Variants in RERE observed in about 807,000 individuals in gnomAD.
RERE encodes the protein arginine-glutamic acid dipeptide repeats protein.
A neutral mutation model predicts 146.1 loss-of-function variants in RERE; 40 were observed. The observed-to-expected ratio is 0.27, with a 90% confidence interval of 0.21 to 0.36. The LOEUF (loss-of-function observed/expected upper bound fraction) is 0.36. Ranked by LOEUF, RERE falls within the 10% of genes least tolerant of loss-of-function variation. RERE has a pLI of 1.00. For synonymous variants in RERE, 1,003 were observed against 866.0 expected (o/e 1.16, Z -2.78); for missense variants, 1,933 against 2,138.7 (o/e 0.90, Z 1.90).
At chr1:8,571,573 A>G (rs1168169564) in intron 4 of RERE, among the ~76,000 whole-genome samples, 2 of 152,242 alleles carry the variant, frequency 1.3e-5, no homozygotes, top group Non-Finnish European at 2.9e-5. Context: ...CTAAAAAATT[A>G]TATTTTCCTG....
chr1:8,476,222 T>G (rs1644754835), intron 10 of RERE, among the ~76,000 whole-genome samples: 1 of 152,164 alleles, frequency 6.6e-6, no homozygotes, highest in African/African-American at 2.4e-5. Context: ...GCCAGAGTAC[T>G]AAAAATGAGG....
chr1:8,599,827 C>T (rs1248219525), intron 4 of RERE, among the ~76,000 whole-genome samples: 2 of 152,194 alleles, frequency 1.3e-5, no homozygotes, highest in Admixed American at 6.5e-5. Context: ...AATCACAGAG[C>T]CTTTTCTGCC....
At chr1:8,612,029 G>C (rs1646799580) in intron 4 of RERE, among the ~76,000 whole-genome samples, 1 of 152,144 alleles carries the variant, frequency 6.6e-6, no homozygotes, top group Admixed American at 6.5e-5. Flanking sequence ...AAAATGAACA[G>C]ATAAGTTAAA....
chr1:8,747,146 G>T (rs1291789317), intron 1 of RERE, among the ~76,000 whole-genome samples: 6 of 151,560 alleles, frequency 4.0e-5, no homozygotes, highest in African/African-American at 1.5e-4. Context: ...GGACTACAGG[G>T]GCCCACCACC....
intron 4 of RERE, among the ~76,000 whole-genome samples, chr1:8,595,153 G>A (rs1285037149): frequency 6.2e-5 from 9 of 144,804 alleles, no homozygotes; most frequent in African/African-American, 1.0e-4. Context: ...GAGCAAGACC[G>A]TGTCCAAAAA....
At chr1:8,480,306 AT>A (rs1211485071) in intron 10 of RERE, among the ~76,000 whole-genome samples, 1 of 150,694 alleles carries the variant, frequency 6.6e-6, no homozygotes, top group Non-Finnish European at 1.5e-5. Flanking sequence ...CACCCGACTA[AT>A]TTTTGTATTT....
intron 1 of RERE, among the ~76,000 whole-genome samples, chr1:8,810,045 G>A (rs1641774134): frequency 1.3e-5 from 2 of 151,902 alleles, no homozygotes; most frequent in African/African-American, 2.4e-5. Context: ...TTGCTCTGTC[G>A]CCCAGGCTGG....
At chr1:8,681,057 G>A (rs1474899247) in intron 1 of RERE, among the ~76,000 whole-genome samples, 3 of 152,140 alleles carry the variant, frequency 2.0e-5, no homozygotes, top group African/African-American at 4.8e-5. Flanking sequence ...TAAAACCATC[G>A]AGGTCCCGGG....
rs528533454 is a variant in RERE at position 8,491,269 on chromosome 1, T to C, written c.1104+3794A>G. 9.7e-4 allele frequency among the ~76,000 whole-genome samples: 147 copies of C among 151,780 alleles called. 4 individuals carry two copies. The highest frequency in any genetic ancestry group is 3.3e-3 in the African/African-American group (134 of 41,156). On this transcript the variant is annotated intron_variant, in intron 10 of 22. Coordinates refer to ENST00000400908, the MANE Select transcript of RERE (RefSeq NM_001042681.2). ...CAGCCTGACCAACATGGCGAAACCC[T>C]GTCTCTACTAAAAATACAAAATTAG...
intron 2 of RERE, among the ~76,000 whole-genome samples, chr1:8,654,904 T>C (rs1638235602): frequency 6.6e-6 from 1 of 152,096 alleles, no homozygotes; most frequent in South Asian, 2.1e-4. Flanking sequence ...CCCAAAGTGC[T>C]GGGATTACAC....
chr1:8,781,070 A>G (rs960538884), intron 1 of RERE, among the ~76,000 whole-genome samples: 1 of 151,784 alleles, frequency 6.6e-6, no homozygotes, highest in African/African-American at 2.4e-5. Context: ...AAAAAAAAAA[A>G]TTCTCGGCCA....
chr1:8,508,962 T>C (rs1290038365), intron 7 of RERE, among the ~76,000 whole-genome samples: 1 of 152,146 alleles, frequency 6.6e-6, no homozygotes, highest in Non-Finnish European at 1.5e-5. Context: ...TCGCCCAGGC[T>C]GGAGTGCAGT....
chr1:8,360,573 A>G lies in RERE; in HGVS notation c.2934T>C (p.His978=). 1 of 1,371,942 alleles carries G rather than the reference A, an allele frequency of 7.3e-7. No individual in the cohort carries two copies. Among genetic ancestry groups the G allele is most frequent in the Non-Finnish European group, 9.7e-7 (1 of 1,030,388 alleles). 85.0% of individuals were successfully genotyped at this position (1,371,942 alleles called of 1,614,324 possible). ...ALKPLSSLST[H]HPPSAHPPPL... is the part of the protein sequence containing the mutation. Reference sequence around the variant, plus strand: ...GTGGGGGGTGAGCCGACGGGGGGTGATGTGTGGACAGGGAGCTCAGGGGCT... The same window carrying G: ...GTGGGGGGTGAGCCGACGGGGGGTGGTGTGTGGACAGGGAGCTCAGGGGCT... Residue 978 remains histidine (H), a synonymous_variant, in exon 18 of 23, where the codon CAT becomes CAC. Coordinates refer to ENST00000400908, the MANE Select transcript of RERE (RefSeq NM_001042681.2).
At chr1:8,642,079 T>C (rs1468558711) in intron 2 of RERE, among the ~76,000 whole-genome samples, 1 of 152,232 alleles carries the variant, frequency 6.6e-6, no homozygotes, top group East Asian at 1.9e-4. Context: ...TATTTTATAT[T>C]TTAAATAATT....
chr1:8,598,823 G>T (rs1223700320), intron 4 of RERE, among the ~76,000 whole-genome samples: 1 of 152,180 alleles, frequency 6.6e-6, no homozygotes, highest in Non-Finnish European at 1.5e-5. Flanking sequence ...TTCTAACACA[G>T]CTTTGCCCAT....
chr1:8,728,932 C>T (rs1019162409), intron 1 of RERE, among the ~76,000 whole-genome samples: 3 of 152,022 alleles, frequency 2.0e-5, no homozygotes, highest in Non-Finnish European at 2.9e-5. Context: ...TTTGGGAGGC[C>T]GAGGCAGGTG....
chr1:8,637,067 A>C (rs1647110658), intron 2 of RERE, among the ~76,000 whole-genome samples: 1 of 152,174 alleles, frequency 6.6e-6, no homozygotes, highest in Non-Finnish European at 1.5e-5. Flanking sequence ...AAAATATTCT[A>C]ATTTTTTTAA....
chr1:8,630,805 T>C (rs1454373223), intron 2 of RERE, among the ~76,000 whole-genome samples: 1 of 152,194 alleles, frequency 6.6e-6, no homozygotes, highest in African/African-American at 2.4e-5. Flanking sequence ...CCTCCATAAA[T>C]GAAGCCTTCC....
At chr1:8,707,681 C>T (rs1484197111) in intron 1 of RERE, among the ~76,000 whole-genome samples, 1 of 152,200 alleles carries the variant, frequency 6.6e-6, no homozygotes, top group Non-Finnish European at 1.5e-5. Flanking sequence ...TAATTTAGCT[C>T]ACCCATGTCA....
Sources: allele counts gnomAD v4.1 joint callset (sites outside exome capture counted in the v4.1 genomes callset), GRCh38; gene constraint gnomAD v4.1.1; transcripts MANE v1.5; gene names NCBI Gene and HGNC (gene_info 2026-07-23, HGNC 2026-07-21).